ADCY9: variants seen among roughly 807,000 people sequenced by gnomAD.
ADCY9 encodes the protein adenylate cyclase type 9.
ADCY9 carries 50 observed loss-of-function variants against 101.5 expected under a neutral mutation model. The observed-to-expected ratio is 0.49, with a 90% CI of 0.39 to 0.62. The LOEUF (loss-of-function observed/expected upper bound fraction) is 0.62. ADCY9 is among the 20% of genes least tolerant of loss of function. The pLI is 0.00. For synonymous variants in ADCY9, 905 were observed against 769.3 expected, an observed-to-expected ratio of 1.18 and a Z score of -2.92; for missense variants, 1,662 against 1,800.4, an observed-to-expected ratio of 0.92 and a Z score of 1.39.
At chr16:3,974,627 A>T in intron 10 of ADCY9, 42 bp downstream of exon 10, 1 of 1,554,282 alleles carries the variant, frequency 6.4e-7, no homozygotes, top group Non-Finnish European at 8.9e-7. Context: ...TAATACAGTC[A>T]CTCTCGTTTA....
intron 2 of ADCY9, among the ~76,000 whole-genome samples, chr16:4,079,818 T>C (rs1030532584): frequency 1.3e-5 from 2 of 152,172 alleles, no homozygotes; most frequent in Non-Finnish European, 1.5e-5. Context: ...AAAAACCTCA[T>C]GTTGAAACAT....
At position 4,114,149 on chromosome 16, in the gene ADCY9, C is replaced by T; in HGVS notation, c.1294G>A (p.Glu432Lys). ...LFGRFDRLCE[E>K]TKCEKISTLG... ...GTGCTGATTTTCTCACACTTGGTCT[C>T]CTCACACAGGCGGTCGAAGCGACCG... The change falls in exon 2 of 11, where the codon GAG (glutamate) becomes AAG (lysine). Residue 432 changes from glutamate (E) to lysine (K), a missense_variant. Transcript: ENST00000294016. The surrounding 1 kb of genome is among the most constrained non-coding windows in gnomAD (Gnocchi z 4.3). 6.2e-7 allele frequency: 1 copy of T among 1,613,908 alleles called. No homozygotes were observed. Among genetic ancestry groups the T allele is most frequent in the Non-Finnish European group, 8.5e-7 (1 of 1,180,050 alleles).
At chr16:3,969,618 T>C (rs1369329849) in intron 10 of ADCY9, among the ~76,000 whole-genome samples, 1 of 74,478 alleles carries the variant, frequency 1.3e-5, no homozygotes, top group Non-Finnish European at 2.9e-5. Context: ...ATGTATTTTT[T>C]TTTTTTTTTA....
Position 4,115,074 on chromosome 16 carries a change from G to C in ADCY9, c.369C>G (p.Ile123Met). 6.2e-7 allele frequency: 1 copy of C among 1,614,000 alleles called. No homozygotes were observed. Among genetic ancestry groups the C allele is most frequent in the Non-Finnish European group, 8.5e-7 (1 of 1,180,024 alleles). Residue 123 changes from isoleucine (I) to methionine (M), a missense_variant, in exon 2 of 11, where the codon ATC becomes ATG. By Grantham distance (10) the Ile-to-Met change is conservative. Transcript: ENST00000294016. The surrounding 1 kb of genome is among the most constrained non-coding windows in gnomAD (Gnocchi z 6.2). ...TGCTCCACAGAAGGCAGGCGAAGCC[G>C]ATGTAGAAGAGCGCATACCGGAACC... is the stretch of plus-strand genomic sequence containing the variant. ...QRRFRYALFYIGFACLLWSIY... is the reference protein window; with the variant it reads ...QRRFRYALFYMGFACLLWSIY...
chr16:3,986,838 C>G (rs1208032137), intron 6 of ADCY9, among the ~76,000 whole-genome samples: 1 of 152,212 alleles, frequency 6.6e-6, no homozygotes, highest in Non-Finnish European at 1.5e-5. Context: ...TCAAGTGATC[C>G]TCCTGCCTCA....
chr16:4,062,266 A>T (rs2056777764), intron 2 of ADCY9, among the ~76,000 whole-genome samples: 1 of 152,230 alleles, frequency 6.6e-6, no homozygotes, highest in South Asian at 2.1e-4. Context: ...AAACCTCACC[A>T]AACAGATGAA....
chr16:4,096,702 T>G (rs1186960804), intron 2 of ADCY9, among the ~76,000 whole-genome samples: 1 of 152,204 alleles, frequency 6.6e-6, no homozygotes, highest in Non-Finnish European at 1.5e-5. Context: ...ATAAACACTT[T>G]CACTTAAAGT....
chr16:3,973,270 C>T (rs2056067771), intron 10 of ADCY9, among the ~76,000 whole-genome samples: 1 of 151,762 alleles, frequency 6.6e-6, no homozygotes, highest in Non-Finnish European at 1.5e-5. Context: ...GTGCAGTGGC[C>T]GATCTTGGCT....
At chr16:4,033,892 ATACTC>A (rs2056572768) in intron 2 of ADCY9, among the ~76,000 whole-genome samples, 1 of 152,190 alleles carries the variant, frequency 6.6e-6, no homozygotes, top group African/African-American at 2.4e-5. Flanking sequence ...AAATGAGTAA[ATACTC>A]TAAAGGGCTC....
At chr16:3,969,596 A>G (rs1313730219) in intron 10 of ADCY9, among the ~76,000 whole-genome samples, 2 of 88,610 alleles carry the variant, frequency 2.3e-5, no homozygotes, top group African/African-American at 5.6e-5. Flanking sequence ...ATATATATAT[A>G]TATATATATA....
intron 2 of ADCY9, among the ~76,000 whole-genome samples, chr16:4,079,182 C>T (rs1302641904): frequency 2.0e-5 from 3 of 152,258 alleles, no homozygotes; most frequent in Non-Finnish European, 4.4e-5. Flanking sequence ...AAGCTGGAAA[C>T]AATCTACATT....
At chr16:4,097,553 A>ATATATATATATATATAT (rs1382458827) in intron 2 of ADCY9, among the ~76,000 whole-genome samples, 1 of 53,416 alleles carries the variant, frequency 1.9e-5, no homozygotes, top group African/African-American at 8.6e-5. Context: ...ATATATATAT[A>ATATATATATATATATAT]TTTTTTTTTT....
At chr16:4,093,171 T>C (rs1279120881) in intron 2 of ADCY9, among the ~76,000 whole-genome samples, 1 of 152,216 alleles carries the variant, frequency 6.6e-6, no homozygotes, top group Non-Finnish European at 1.5e-5. Flanking sequence ...CAGAAAATTA[T>C]CTGATTGATT....
At chr16:4,110,375 A>AATT (rs2057106074) in intron 2 of ADCY9, among the ~76,000 whole-genome samples, 2 of 88,598 alleles carry the variant, frequency 2.3e-5, no homozygotes, top group Non-Finnish European at 4.8e-5. Context: ...ACTTATACCT[A>AATT]CTTTTTTTTT....
chr16:4,014,338 A>G lies in ADCY9; in HGVS notation c.1694-6780T>C, dbSNP rs565845003. 1.0e-3 allele frequency among the ~76,000 whole-genome samples: 156 copies of G among 150,766 alleles called. 1 individual carries two copies. The highest frequency in any genetic ancestry group is 1.7e-3 in the Non-Finnish European group (117 of 67,670). ...TGTCTCAAAAAAGAAAAAAAAAAAA[A>G]AAGAAGTCCCAAATAATAAAATATG... On this transcript the variant is annotated intron_variant, in intron 2 of 10. Transcript: ENST00000294016.
At chr16:4,089,963 C>G (rs1382093794) in intron 2 of ADCY9, among the ~76,000 whole-genome samples, 2 of 152,056 alleles carry the variant, frequency 1.3e-5, no homozygotes, top group Non-Finnish European at 2.9e-5. Context: ...GAATTACATC[C>G]TAACAAACAG....
At chr16:4,076,048 G>C (rs554006023) in intron 2 of ADCY9, among the ~76,000 whole-genome samples, 21 of 152,278 alleles carry the variant, frequency 1.4e-4, no homozygotes, top group African/African-American at 4.1e-4. Flanking sequence ...CAAAATAACA[G>C]CTGGGTGGCG....
chr16:3,990,905 T>C (rs2056238768), intron 5 of ADCY9, among the ~76,000 whole-genome samples: 2 of 152,218 alleles, frequency 1.3e-5, no homozygotes, highest in South Asian at 4.1e-4. Context: ...GTTCAAGCGA[T>C]TCTCCTACCT....
Position 3,989,080 on chromosome 16 carries a change from A to C in ADCY9, c.2224T>G (p.Phe742Val). Residue 742 changes from phenylalanine to valine, a missense_variant, in exon 6 of 11, where the codon TTT (phenylalanine) becomes GTT (valine). By Grantham distance (50) the Phe-to-Val change is conservative. This residue lies in a region of ADCY9 where 624 missense variants were observed against 639.1 expected (regional missense o/e 0.98). Transcript: ENST00000294016. ...AACTGATTAATGGGCGGCTTAAAAA[A>C]GTAATCTTTCATCAGGCTAGAAGAC... ...IKEDSLMKDYFFKPPINQFSL... is the reference protein window; with the variant it reads ...IKEDSLMKDYVFKPPINQFSL... 6.2e-7 allele frequency: 1 copy of C among 1,613,878 alleles called. No homozygotes were observed. Among genetic ancestry groups the C allele is most frequent in the South Asian group, 1.1e-5 (1 of 91,080 alleles).
Sources: allele counts gnomAD v4.1 joint callset (sites outside exome capture counted in the v4.1 genomes callset), GRCh38; gene constraint gnomAD v4.1.1; regional missense constraint gnomAD v4.1.1; non-coding constraint Gnocchi (gnomAD v3.1); transcripts MANE v1.5; gene names NCBI Gene and HGNC (gene_info 2026-07-23, HGNC 2026-07-21).